FUNDC1: variants seen among roughly 807,000 people sequenced by gnomAD.
FUNDC1 encodes FUN14 domain-containing protein 1.
FUNDC1 carries 10 observed loss-of-function variants against 14.5 expected under a neutral mutation model. That is an observed-to-expected ratio of 0.69 (90% CI 0.43 to 1.17). The LOEUF (loss-of-function observed/expected upper bound fraction) is 1.17. Ranked by LOEUF, FUNDC1 falls within the 50% of genes most tolerant of loss-of-function variation. The pLI, the probability that FUNDC1 is intolerant of heterozygous loss-of-function variation, is 0.00. For synonymous variants in FUNDC1, 33 were observed against 39.7 expected, an observed-to-expected ratio of 0.83 and a Z score of 0.64; for missense variants, 115 against 113.8, an observed-to-expected ratio of 1.01 and a Z score of -0.05.
intron 4 of FUNDC1, 56 bp downstream of exon 4, chrX:44,527,181 C>A: frequency 1.1e-6 from 1 of 945,194 alleles, no homozygotes; most frequent in Non-Finnish European, 1.4e-6. Context: ...TAAGGGATAC[C>A]CATTAACCAA....
intron 4 of FUNDC1, among the ~76,000 whole-genome samples, chrX:44,526,640 C>T (rs753881288): frequency 9.1e-6 from 1 of 110,384 alleles, no homozygotes; most frequent in African/African-American, 3.3e-5. Context: ...AAAGTAAACA[C>T]GGCAAATCAT....
intron 3 of FUNDC1, among the ~76,000 whole-genome samples, chrX:44,531,867 T>C (rs779898914): frequency 2.7e-5 from 3 of 110,354 alleles, no homozygotes; most frequent in Non-Finnish European, 3.8e-5. Flanking sequence ...GAAAGAGCTC[T>C]TAATGGCCAA....
chrX:44,538,403 A>G, intron 3 of FUNDC1, 64 bp downstream of exon 3: 1 of 830,449 alleles, frequency 1.2e-6, no homozygotes, highest in Non-Finnish European at 1.8e-6. Flanking sequence ...CCATAAACTG[A>G]TGCCTAAAAG....
At chrX:44,529,975 T>A (rs957258761) in intron 3 of FUNDC1, among the ~76,000 whole-genome samples, 2 of 112,238 alleles carry the variant, frequency 1.8e-5, no homozygotes, top group Non-Finnish European at 3.8e-5. Flanking sequence ...GGCACCCAGC[T>A]GAGAAGTACA....
chrX:44,538,096 C>T (rs1324581968), intron 3 of FUNDC1, among the ~76,000 whole-genome samples: 1 of 111,970 alleles, frequency 8.9e-6, no homozygotes, highest in Admixed American at 9.5e-5. Flanking sequence ...ATTCTCCTGT[C>T]TCAGCCTCCC....
intron 4 of FUNDC1, 103 bp downstream of exon 4, chrX:44,527,134 A>T (rs1225439700): frequency 1.5e-5 from 9 of 586,369 alleles, no homozygotes; most frequent in East Asian, 3.8e-5. Flanking sequence ...CACCATTTTT[A>T]AAAAAGACAG....
At chrX:44,541,646 C>G (rs1008489225) in intron 2 of FUNDC1, among the ~76,000 whole-genome samples, 4 of 111,282 alleles carry the variant, frequency 3.6e-5, no homozygotes, top group African/African-American at 1.3e-4. Context: ...TTCCTATCTA[C>G]TATCACTGAA....
At chrX:44,538,621 T>A in intron 2 of FUNDC1, 79 bp from the exon 3 acceptor site, 1 of 753,194 alleles carries the variant, frequency 1.3e-6, no homozygotes, top group South Asian at 2.4e-5. Flanking sequence ...ATTGCTTTCC[T>A]AATAAAATCT....
At chrX:44,536,205 GC>G (rs2038948581) in intron 3 of FUNDC1, among the ~76,000 whole-genome samples, 1 of 107,415 alleles carries the variant, frequency 9.3e-6, no homozygotes, top group Admixed American at 1.0e-4. Flanking sequence ...TATAATCCCA[GC>G]TACTTGGGAG....
intron 3 of FUNDC1, among the ~76,000 whole-genome samples, chrX:44,529,802 T>G (rs2038915625): frequency 9.0e-6 from 1 of 111,315 alleles, no homozygotes; most frequent in South Asian, 3.8e-4. Flanking sequence ...TCTGTTCCCT[T>G]GCAGGAAAAA....
chrX:44,532,923 G>A (rs1025384606), intron 3 of FUNDC1, among the ~76,000 whole-genome samples: 7 of 112,101 alleles, frequency 6.2e-5, no homozygotes, highest in African/African-American at 2.3e-4. Flanking sequence ...TCACTGCAGA[G>A]TTGTTTGTAA....
intron 3 of FUNDC1, among the ~76,000 whole-genome samples, chrX:44,535,800 A>G (rs1230124520): frequency 1.4e-3 from 151 of 108,348 alleles, no homozygotes; most frequent in African/African-American, 5.0e-3. Context: ...AGCCTGGCCA[A>G]CATGGTGAAA....
intron 4 of FUNDC1, among the ~76,000 whole-genome samples, chrX:44,525,130 G>A (rs112515240): frequency 0.044 from 4,882 of 111,261 alleles, 113 homozygotes; most frequent in Middle Eastern, 0.11. Context: ...AAAGATGGGG[G>A]AATAAAATTA....
At chrX:44,535,297 C>T (rs1187322091) in intron 3 of FUNDC1, among the ~76,000 whole-genome samples, 1 of 110,874 alleles carries the variant, frequency 9.0e-6, no homozygotes, top group Middle Eastern at 4.2e-3. Context: ...ACCAAGTTTG[C>T]CCAGACGGTT....
At chrX:44,525,239 C>T (rs759208981) in intron 4 of FUNDC1, among the ~76,000 whole-genome samples, 1 of 110,222 alleles carries the variant, frequency 9.1e-6, no homozygotes, top group South Asian at 4.0e-4. Flanking sequence ...GGAACAGGGT[C>T]TCATTCTGTC....
At chrX:44,526,362 G>A (rs776676049) in intron 4 of FUNDC1, among the ~76,000 whole-genome samples, 2 of 108,615 alleles carry the variant, frequency 1.8e-5, no homozygotes, top group East Asian at 5.9e-4. Context: ...CCCGAGAGGC[G>A]AAGGTTGCAG....
chrX:44,533,709 A>G (rs2038936456), intron 3 of FUNDC1, among the ~76,000 whole-genome samples: 1 of 109,727 alleles, frequency 9.1e-6, no homozygotes, highest in South Asian at 3.8e-4. Flanking sequence ...AAATTTTTAA[A>G]AAAGATACTG....
In FUNDC1 at chrX:44,542,640, AG is replaced by A. The variant is rs1417835530; in HGVS notation, c.28+164del. Among the ~76,000 whole-genome samples, 4 of 108,230 alleles carry A rather than the reference AG, an allele frequency of 3.7e-5. No homozygotes were observed. The Admixed American group carries it at 4.0e-4, about 11-fold the overall frequency. The allele number at this position is 108,230 out of a possible 115,157, so 94.0% of individuals were successfully genotyped here. On this transcript the variant is annotated intron_variant, in intron 1 of 4. Coordinates refer to ENST00000378045, the MANE Select transcript of FUNDC1 (RefSeq NM_173794.4). ...GGCTCTCCGCTTGAGTTCCGCAGAG[AG>A]GGGAGGAAAAAGTCTAGCTCGGAGG... is the stretch of plus-strand genomic sequence containing the variant.
At chrX:44,534,365 G>T (rs1020278552) in intron 3 of FUNDC1, among the ~76,000 whole-genome samples, 6 of 110,057 alleles carry the variant, frequency 5.5e-5, no homozygotes, top group Non-Finnish European at 1.1e-4. Flanking sequence ...AATAAATAAA[G>T]AAAGAAAAAT....
Sources: gnomAD v4.1 joint callset for allele counts (sites outside exome capture counted in the v4.1 genomes callset) on GRCh38, gnomAD v4.1.1 for gene constraint, MANE v1.5 for transcripts, NCBI Gene and HGNC (gene_info 2026-07-23, HGNC 2026-07-21) for gene names.